Variants in ALDH1L1 observed in about 807,000 individuals in gnomAD.
The protein encoded by ALDH1L1 is aldehyde dehydrogenase 1 family member L1, also known as cytosolic 10-formyltetrahydrofolate dehydrogenase.
ALDH1L1 carries 68 observed loss-of-function variants against 101.1 expected under a neutral mutation model. The observed-to-expected ratio is 0.67, with a 90% CI of 0.55 to 0.82. The LOEUF (loss-of-function observed/expected upper bound fraction) is 0.82. Among genes scored for constraint, ALDH1L1 ranks in the 40% least tolerant of loss-of-function variants. The pLI is 0.00. For missense variants in ALDH1L1, 1,087 were observed against 1,172.7 expected, an observed-to-expected ratio of 0.93 and a Z score of 1.07; for synonymous variants, 486 against 470.8, an observed-to-expected ratio of 1.03 and a Z score of -0.42.
intron 4 of ALDH1L1, 196 bp from the exon 5 acceptor site, chr3:126,155,699 C>A: frequency 2.0e-6 from 1 of 511,674 alleles, no homozygotes; most frequent in Non-Finnish European, 3.4e-6. Context: ...CGGACACAGA[C>A]CCGTCCTCTC....
intron 20 of ALDH1L1, among the ~76,000 whole-genome samples, chr3:126,108,303 T>A (rs1945955073): frequency 6.6e-6 from 1 of 152,200 alleles, no homozygotes; most frequent in Admixed American, 6.5e-5. Flanking sequence ...GGCAGCCCCA[T>A]CCCATGCTCT....
intron 16 of ALDH1L1, 130 bp downstream of exon 16, chr3:126,124,234 C>T (rs2080134306): frequency 2.6e-6 from 2 of 782,916 alleles, no homozygotes; most frequent in African/African-American, 3.6e-5. Flanking sequence ...TCCTTTGTCA[C>T]AGGCTGGCCC....
At chr3:126,111,503 A>G (rs1946076828) in intron 19 of ALDH1L1, among the ~76,000 whole-genome samples, 1 of 152,218 alleles carries the variant, frequency 6.6e-6, no homozygotes, top group African/African-American at 2.4e-5. Context: ...CTAGACTGCC[A>G]CTGCTGCCCA....
intron 1 of ALDH1L1, among the ~76,000 whole-genome samples, chr3:126,167,421 TC>T (rs917653246): frequency 2.0e-5 from 3 of 152,198 alleles, no homozygotes; most frequent in Non-Finnish European, 4.4e-5. Flanking sequence ...AAAGTTGTCT[TC>T]ATTGTACAAA....
At chr3:126,157,532 T>G (rs2080939282) in intron 3 of ALDH1L1, 24 bp from the exon 4 acceptor site, 1 of 1,608,822 alleles carries the variant, frequency 6.2e-7, no homozygotes, top group Non-Finnish European at 8.5e-7. Flanking sequence ...GAGTGAAACC[T>G]GGAGTCCACG....
At chr3:126,167,466 C>T (rs1169955099) in intron 1 of ALDH1L1, among the ~76,000 whole-genome samples, 2 of 152,038 alleles carry the variant, frequency 1.3e-5, no homozygotes, top group South Asian at 2.1e-4. Flanking sequence ...AATAAGGGAA[C>T]AAAATTTAGA....
intron 1 of ALDH1L1, among the ~76,000 whole-genome samples, chr3:126,176,751 CTG>C (rs1377922937): frequency 1.4e-3 from 214 of 152,298 alleles, no homozygotes; most frequent in Admixed American, 6.1e-3. Context: ...AACTTCTGCT[CTG>C]CAAAAGACAC....
chr3:126,152,999 CCCAAG>C, intron 7 of ALDH1L1: 1 of 285,006 alleles, frequency 3.5e-6, no homozygotes, highest in Non-Finnish European at 6.8e-6. Flanking sequence ...CGGCATGGCT[CCCAAG>C]GCTCTGCACG....
At chr3:126,189,969 C>T in intron 1 of ALDH1L1, among the ~76,000 whole-genome samples, 1 of 152,160 alleles carries the variant, frequency 6.6e-6, no homozygotes, top group East Asian at 1.9e-4. Flanking sequence ...GTGATGGGGA[C>T]AATGATAGTG....
intron 19 of ALDH1L1, 125 bp from the exon 20 acceptor site, chr3:126,110,234 C>T: frequency 7.9e-7 from 1 of 1,270,020 alleles, no homozygotes; most frequent in Non-Finnish European, 1.1e-6. Context: ...AGCCTCAGGG[C>T]TTTCTGAATT....
At position 126,125,739 on chromosome 3, in the gene ALDH1L1, T is replaced by G. The variant is rs373588125; in HGVS notation, c.1695-18A>C. 6.6e-7 allele frequency: 1 copy of G among 1,504,640 alleles called. No homozygotes were observed. The highest frequency in any genetic ancestry group is 9.0e-7 in the Non-Finnish European group (1 of 1,116,956). The allele number at this position is 1,504,640 out of a possible 1,614,324, so 93.2% of individuals were successfully genotyped here. ...CACAAACCCTGCCACACAAAAGAGG[T>G]TGGCCTTTGTCCTTCTTCTCCACCA... On this transcript the variant is annotated intron_variant, in intron 14 of 22. Coordinates refer to ENST00000393434, the MANE Select transcript of ALDH1L1 (RefSeq NM_012190.4).
At chr3:126,168,733 A>G (rs2081217304) in intron 1 of ALDH1L1, among the ~76,000 whole-genome samples, 1 of 152,208 alleles carries the variant, frequency 6.6e-6, no homozygotes. Flanking sequence ...TTATTTAGCA[A>G]CATAAAATTT....
chr3:126,150,298 C>A lies in ALDH1L1; in HGVS notation c.984+108G>T, dbSNP rs533997934. ...ACACTGCACCTGGAGCCAAAACAGA[C>A]ACCCACAGAGGGCTGGCGCTGCCCA... On this transcript the variant is annotated intron_variant, in intron 8 of 22. Transcript: ENST00000393434. The A allele has an allele frequency of 2.5e-5, 36 of 1,450,608 alleles. No homozygotes were observed. The African/African-American group carries it at 5.0e-4, about 20-fold the overall frequency. 89.9% of individuals were successfully genotyped at this position (1,450,608 alleles called of 1,614,324 possible).
chr3:126,126,202 A>C (rs373854480), intron 14 of ALDH1L1, among the ~76,000 whole-genome samples: 2 of 152,146 alleles, frequency 1.3e-5, no homozygotes, highest in Non-Finnish European at 2.9e-5. Context: ...CTCTGTGTGA[A>C]GCCATGGTGC....
chr3:126,126,456 C>T (rs1315452726), intron 14 of ALDH1L1, among the ~76,000 whole-genome samples: 1 of 152,204 alleles, frequency 6.6e-6, no homozygotes, highest in African/African-American at 2.4e-5. Flanking sequence ...CTCCTGTCGC[C>T]ACCCCACCAC....
intron 17 of ALDH1L1, chr3:126,114,873 C>A: frequency 1.6e-6 from 1 of 609,242 alleles, no homozygotes; most frequent in Non-Finnish European, 3.1e-6. Flanking sequence ...GCCCCACTGC[C>A]CCCTGGACTG....
intron 1 of ALDH1L1, among the ~76,000 whole-genome samples, chr3:126,178,768 C>G (rs58564838): frequency 7.1e-6 from 1 of 140,788 alleles, no homozygotes; most frequent in East Asian, 2.2e-4. Flanking sequence ...GTGTGTGTGT[C>G]TGTGTGTGCA....
At chr3:126,190,867 A>G (rs2081548941) in intron 1 of ALDH1L1, among the ~76,000 whole-genome samples, 2 of 141,130 alleles carry the variant, frequency 1.4e-5, no homozygotes, top group Admixed American at 1.4e-4. Flanking sequence ...TCTGCTATCT[A>G]AAAATATCTA....
chr3:126,111,415 G>A (rs1292858472), intron 19 of ALDH1L1, among the ~76,000 whole-genome samples: 2 of 152,212 alleles, frequency 1.3e-5, no homozygotes, highest in Non-Finnish European at 2.9e-5. Context: ...GCCACCCGCT[G>A]CCCCGCTGCC....
Sources: allele counts gnomAD v4.1 joint callset (sites outside exome capture counted in the v4.1 genomes callset), GRCh38; gene constraint gnomAD v4.1.1; transcripts MANE v1.5; gene names NCBI Gene and HGNC (gene_info 2026-07-23, HGNC 2026-07-21).